MTERF4: variants seen among roughly 807,000 people sequenced by gnomAD.
MTERF4 encodes mitochondrial transcription termination factor 4, also known as transcription termination factor 4, mitochondrial.
In MTERF4, 17 loss-of-function variants were observed where a neutral mutation model predicts 22.5. The ratio of observed to expected loss-of-function variants is 0.75; its 90% confidence interval spans 0.52 to 1.13. The LOEUF is 1.13. MTERF4 is among the 50% of genes most tolerant of loss of function. The pLI, the probability that MTERF4 is intolerant of heterozygous loss-of-function variation, is 0.00. For synonymous variants in MTERF4, 165 were observed against 175.3 expected (o/e 0.94, Z 0.47); for missense variants, 420 against 466.8 (o/e 0.90, Z 0.92).
chr2:241,089,012 CTTTG>C (rs1382515701), downstream of MTERF4: 1 of 321,444 alleles, frequency 3.1e-6, no homozygotes, highest in African/African-American at 2.2e-5. Context: ...TTCCTCTCGC[CTTTG>C]TTTAAGCCAG....
intron 1 of MTERF4, among the ~76,000 whole-genome samples, chr2:241,100,752 G>GT (rs2064668448): frequency 6.6e-6 from 1 of 152,158 alleles, no homozygotes; most frequent in Non-Finnish European, 1.5e-5. Flanking sequence ...TGTGTTAACT[G>GT]TTTATGTTGT....
chr2:241,072,997 A>AT, exon 5 of MTERF4: 1 of 494,284 alleles, frequency 2.0e-6, no homozygotes, highest in Non-Finnish European at 3.6e-6. Context: ...GCCTCTCAGC[A>AT]TGATCAGTGG....
At position 241,073,417 on chromosome 2, in the gene MTERF4, G is replaced by A; in HGVS notation, n.2745C>T. 2.1e-6 allele frequency: 3 copies of A among 1,426,722 alleles called. No homozygotes were observed. Among genetic ancestry groups the A allele is most frequent in the South Asian group, 1.2e-5 (1 of 81,672 alleles). The allele number at this position is 1,426,722 out of a possible 1,614,324, so 88.4% of individuals were successfully genotyped here. ...TGGGACTGACTGACTGCTCTCAGGG[G>A]CCTTAGAGGCTGCAGGCAGGAGGGA... On this transcript the variant is annotated non_coding_transcript_exon_variant, in exon 5 of 5. Transcript: ENST00000464344. The surrounding 1 kb of genome is among the most constrained non-coding windows in gnomAD (Gnocchi z 6.6).
downstream of MTERF4, chr2:241,082,374 T>C (rs36046010): frequency 3.1e-3 from 5,058 of 1,607,302 alleles, 15 homozygotes; most frequent in Non-Finnish European, 3.8e-3. Flanking sequence ...TGTAAGTTGG[T>C]TTCTGTCCTC....
At chr2:241,078,211 C>T (rs542865103) in intron 4 of MTERF4, among the ~76,000 whole-genome samples, 34 of 151,628 alleles carry the variant, frequency 2.2e-4, no homozygotes, top group South Asian at 1.0e-3. Flanking sequence ...GGTGAAACCC[C>T]GTCTCTACTA....
At chr2:241,088,509 G>A, downstream of MTERF4, 1 of 894,736 alleles carries the variant, frequency 1.1e-6, no homozygotes, top group Admixed American at 1.8e-5. Context: ...ACTCAGCACT[G>A]CTAAAGGAAG....
rs1390293145 is a variant in MTERF4, at chr2:241,095,998, C to G, written c.1146G>C (p.Ter382TyrextTer2). ...DEDEDDDEEE[*>Y] ...TTTCGCTCTAGTCCTTCCATCACAG[C>G]TATTCCTCCTCGTCGTCGTCCTCAT... The change falls in exon 4 of 4, where the codon TAG (stop) becomes TAC (tyrosine). Residue 382 changes from the stop codon to tyrosine, a stop_lost. Coordinates refer to ENST00000391980, the MANE Select transcript of MTERF4 (RefSeq NM_182501.4). 6.2e-7 allele frequency: 1 copy of G among 1,613,686 alleles called. No individual in the cohort carries two copies. The highest frequency in any genetic ancestry group is 8.5e-7 in the Non-Finnish European group (1 of 1,179,732).
chr2:241,070,865 C>A (rs1303203265), downstream of MTERF4, among the ~76,000 whole-genome samples: 1 of 152,208 alleles, frequency 6.6e-6, no homozygotes, highest in Non-Finnish European at 1.5e-5. Flanking sequence ...CACGGCGGGA[C>A]AGAGCAGAGC....
the MTERF4 span, chr2:241,048,842 G>A: frequency 9.3e-4 from 1,213 of 1,307,818 alleles, 8 homozygotes; most frequent in African/African-American, 0.015. Context: ...GGCTTCGGCC[G>A]GGGTCCGTAG....
At chr2:241,061,498 G>T in the MTERF4 span, among the ~76,000 whole-genome samples, 1 of 152,198 alleles carries the variant, frequency 6.6e-6, no homozygotes, top group Non-Finnish European at 1.5e-5. Flanking sequence ...CGTCAACTGT[G>T]TTCCAGCAAT....
At chr2:241,046,621 A>G in the MTERF4 span, among the ~76,000 whole-genome samples, 3 of 152,232 alleles carry the variant, frequency 2.0e-5, no homozygotes, top group African/African-American at 7.2e-5. Context: ...TGAACAAATC[A>G]GTAGTTGCCA....
At chr2:241,100,011 T>G (rs2064632944) in intron 1 of MTERF4, 117 bp from the exon 2 acceptor site, 1 of 1,310,924 alleles carries the variant, frequency 7.6e-7, no homozygotes, top group African/African-American at 1.5e-5. Context: ...ATACAATTTT[T>G]ATAAGCAATC....
At chr2:241,072,744 A>G (rs1203362943) in exon 5 of MTERF4, 1 of 194,596 alleles carries the variant, frequency 5.1e-6, no homozygotes. Flanking sequence ...GATCTGGAGT[A>G]CAGAGGGGGG....
Position 241,096,487 on chromosome 2 carries a change from C to G in MTERF4, c.706-49G>C. 6.3e-7 allele frequency: 1 copy of G among 1,588,604 alleles called. No individual in the cohort carries two copies. The highest frequency in any genetic ancestry group is 8.6e-7 in the Non-Finnish European group (1 of 1,157,936). ...GAGTCCCAGATACAGAGTATTGAAA[C>G]CTATCATTCTATAAACCATAAAAAC... On this transcript the variant is annotated intron_variant, in intron 3 of 3. Transcript: ENST00000391980. This position sits in a 1 kb window ranked among gnomAD's most constrained non-coding sequence, Gnocchi z 5.1.
downstream of MTERF4, among the ~76,000 whole-genome samples, chr2:241,086,311 G>A (rs1037636703): frequency 6.6e-6 from 1 of 152,166 alleles, no homozygotes; most frequent in African/African-American, 2.4e-5. Flanking sequence ...ACAGGCCCAA[G>A]GGGACCCTAC....
chr2:241,069,975 C>A (rs755878542), downstream of MTERF4: 3 of 1,613,022 alleles, frequency 1.9e-6, no homozygotes, highest in Non-Finnish European at 2.5e-6. This position sits in a 1 kb window ranked among gnomAD's most constrained non-coding sequence, Gnocchi z 4.9. Flanking sequence ...CCTCTGCCCA[C>A]GTGGTCTGGG....
At chr2:241,089,594 T>C (rs1002381471), downstream of MTERF4, among the ~76,000 whole-genome samples, 5 of 152,006 alleles carry the variant, frequency 3.3e-5, no homozygotes, top group Admixed American at 6.6e-5. Context: ...CATAAGAGAG[T>C]AGCCGGCAGC....
Position 241,097,414 on chromosome 2 carries a change from CCT to C in MTERF4, c.532_533del (p.Arg178GlyfsTer7). ...AAATTTCAGGGCAACAGTAAAGCAC[CCT>C]CTTTAATTTCCCTGCAGAACATTCA... ...KLGLGEGKLK[R>X]VLYCCPEIFT... On this transcript the variant is annotated frameshift_variant, in exon 3 of 4. Transcript: ENST00000391980. LOFTEE classifies it high-confidence loss of function. 1 of 1,613,224 alleles carries C rather than the reference CCT, an allele frequency of 6.2e-7. No individual in the cohort carries two copies. The highest frequency in any genetic ancestry group is 8.5e-7 in the Non-Finnish European group (1 of 1,179,464).
At chr2:241,074,961 T>A (rs553204475) in exon 5 of MTERF4, 1 of 152,270 alleles carries the variant, frequency 6.6e-6, no homozygotes, top group South Asian at 2.1e-4. Flanking sequence ...ATGGTACATA[T>A]ATGTATGGCA....
Sources: allele counts gnomAD v4.1 joint callset (sites outside exome capture counted in the v4.1 genomes callset), GRCh38; gene constraint gnomAD v4.1.1; non-coding constraint Gnocchi (gnomAD v3.1); transcripts MANE v1.5; gene names NCBI Gene and HGNC (gene_info 2026-07-23, HGNC 2026-07-21).